Variants in CCDC92B observed in about 807,000 individuals in gnomAD.
CCDC92B encodes the protein coiled-coil domain-containing 92B.
Under a neutral mutation model 5.6 loss-of-function variants are expected in CCDC92B, and 2 were observed. The observed-to-expected ratio is 0.36, with a 90% CI of 0.15 to 1.12. The LOEUF (loss-of-function observed/expected upper bound fraction) is 1.12, where lower values mean the gene tolerates loss of function less well. Ranked by LOEUF, CCDC92B falls within the 50% of genes most tolerant of loss-of-function variation. CCDC92B has a pLI of 0.40. For missense variants in CCDC92B, 271 were observed against 262.2 expected (o/e 1.03, Z -0.23); for synonymous variants, 115 against 122.3 (o/e 0.94, Z 0.39).
chr17:2,736,694 G>A (rs1327069869), intron 1 of CCDC92B, among the ~76,000 whole-genome samples: 2 of 151,512 alleles, frequency 1.3e-5, no homozygotes, highest in Admixed American at 6.6e-5. Flanking sequence ...CCTGGCCGAC[G>A]TGGTGAAACC....
At chr17:2,741,935 G>A (rs1231976130) in intron 1 of CCDC92B, among the ~76,000 whole-genome samples, 3 of 142,892 alleles carry the variant, frequency 2.1e-5, no homozygotes, top group Non-Finnish European at 4.5e-5. Context: ...GCAGTGAGCC[G>A]AGATCACGCC....
chr17:2,737,428 C>T (rs1407816444), intron 1 of CCDC92B, among the ~76,000 whole-genome samples: 4 of 149,928 alleles, frequency 2.7e-5, no homozygotes, highest in African/African-American at 9.8e-5. Flanking sequence ...TTCTCTGGTA[C>T]TCCCCTGACC....
At chr17:2,730,379 A>G (rs1007442114) in intron 3 of CCDC92B, 67 bp downstream of exon 3, 1 of 921,076 alleles carries the variant, frequency 1.1e-6, no homozygotes, top group African/African-American at 1.8e-5. Flanking sequence ...TGGGTCCTGC[A>G]AAGGGCTGGG....
At chr17:2,744,176 C>T (rs189328764) in intron 1 of CCDC92B, among the ~76,000 whole-genome samples, 5 of 151,854 alleles carry the variant, frequency 3.3e-5, no homozygotes, top group Non-Finnish European at 5.9e-5. Flanking sequence ...GCGCTGCACC[C>T]GGCCTAAATT....
intron 2 of CCDC92B, among the ~76,000 whole-genome samples, chr17:2,733,031 A>T (rs537971884): frequency 6.0e-4 from 87 of 144,264 alleles, no homozygotes; most frequent in African/African-American, 1.5e-3. Flanking sequence ...TAAATAAATA[A>T]AAATAAATAA....
intron 1 of CCDC92B, among the ~76,000 whole-genome samples, chr17:2,739,829 C>T (rs2070907655): frequency 6.6e-6 from 1 of 152,034 alleles, no homozygotes; most frequent in African/African-American, 2.4e-5. Context: ...AGGTTAATTC[C>T]TGTCTTGATT....
At chr17:2,728,961 G>C (rs1028709541) in intron 3 of CCDC92B, among the ~76,000 whole-genome samples, 5 of 152,190 alleles carry the variant, frequency 3.3e-5, no homozygotes, top group Non-Finnish European at 7.3e-5. Flanking sequence ...CAATACATCA[G>C]TATGGAAGAG....
chr17:2,734,645 G>A (rs8079039), intron 2 of CCDC92B, among the ~76,000 whole-genome samples: 96,124 of 151,658 alleles, frequency 0.63, 31,143 homozygotes, highest in East Asian at 0.77. Context: ...GCCCACCACC[G>A]TAACCAGCTA....
At chr17:2,728,615 CAAAA>C (rs1220186728) in intron 3 of CCDC92B, among the ~76,000 whole-genome samples, 2 of 135,882 alleles carry the variant, frequency 1.5e-5, no homozygotes, top group African/African-American at 5.3e-5. Context: ...AAAAAAAAAA[CAAAA>C]AAAACAAAAA....
chr17:2,743,938 C>T (rs542138972), intron 1 of CCDC92B, among the ~76,000 whole-genome samples: 19 of 151,978 alleles, frequency 1.3e-4, no homozygotes, highest in South Asian at 2.1e-4. Flanking sequence ...AGTGCAATGG[C>T]GCGATCTCAG....
chr17:2,736,690 C>T (rs952145660), intron 1 of CCDC92B, among the ~76,000 whole-genome samples: 3 of 151,570 alleles, frequency 2.0e-5, no homozygotes, highest in Non-Finnish European at 2.9e-5. Context: ...CCAGCCTGGC[C>T]GACGTGGTGA....
At chr17:2,731,044 T>C (rs2070789608) in intron 2 of CCDC92B, among the ~76,000 whole-genome samples, 1 of 152,238 alleles carries the variant, frequency 6.6e-6, no homozygotes, top group Non-Finnish European at 1.5e-5. Context: ...TGTTATTACC[T>C]GAACATCAGC....
At chr17:2,747,139 T>C (rs2070996417) in intron 1 of CCDC92B, among the ~76,000 whole-genome samples, 1 of 152,200 alleles carries the variant, frequency 6.6e-6, no homozygotes, top group South Asian at 2.1e-4. Flanking sequence ...GACCCCACAC[T>C]TCTTGTGACC....
chr17:2,729,640 T>TTG (rs772166962), intron 3 of CCDC92B, among the ~76,000 whole-genome samples: 7 of 152,098 alleles, frequency 4.6e-5, no homozygotes, highest in African/African-American at 7.2e-5. Flanking sequence ...AAAAAATTAA[T>TTG]TGTGGGGGAA....
intron 3 of CCDC92B, among the ~76,000 whole-genome samples, chr17:2,725,340 G>T (rs961353589): frequency 6.6e-6 from 1 of 151,926 alleles, no homozygotes; most frequent in Non-Finnish European, 1.5e-5. Context: ...CCGAGATCAC[G>T]CCACTGCTCT....
chr17:2,747,993 G>C, intron 1 of CCDC92B: 1 of 390,962 alleles, frequency 2.6e-6, no homozygotes, highest in South Asian at 1.9e-5. Flanking sequence ...GACAGGCTTA[G>C]AAAGGTAAAG....
At chr17:2,739,477 A>G (rs921499138) in intron 1 of CCDC92B, among the ~76,000 whole-genome samples, 14 of 150,948 alleles carry the variant, frequency 9.3e-5, no homozygotes, top group Admixed American at 5.9e-4. Flanking sequence ...TCAGGAGATC[A>G]AGACCATCCT....
intron 1 of CCDC92B, among the ~76,000 whole-genome samples, chr17:2,738,946 C>A (rs1308033735): frequency 6.6e-6 from 1 of 151,550 alleles, no homozygotes; most frequent in African/African-American, 2.4e-5. Flanking sequence ...TGGCATGCAC[C>A]TGAAGTCCCA....
intron 1 of CCDC92B, among the ~76,000 whole-genome samples, chr17:2,744,918 A>C (rs2070967926): frequency 1.3e-5 from 2 of 151,702 alleles, no homozygotes; most frequent in Non-Finnish European, 2.9e-5. Flanking sequence ...AAGATACAAA[A>C]ATTAGCTGGG....
Sources: gnomAD v4.1 joint callset for allele counts (sites outside exome capture counted in the v4.1 genomes callset) on GRCh38, gnomAD v4.1.1 for gene constraint, MANE v1.5 for transcripts, NCBI Gene and HGNC (gene_info 2026-07-23, HGNC 2026-07-21) for gene names.